The following EFEMP1 variants were observed in gnomAD, a reference collection of about 807,000 sequenced individuals.
The protein encoded by EFEMP1 is EGF-containing fibulin-like extracellular matrix protein 1.
EFEMP1 carries 18 observed loss-of-function variants against 65.7 expected under a neutral mutation model. That is an observed-to-expected ratio of 0.27 (90% CI 0.19 to 0.41). The LOEUF is 0.41. Ranked by LOEUF, EFEMP1 falls within the 10% of genes least tolerant of loss-of-function variation. EFEMP1 has a pLI of 1.00. For missense variants in EFEMP1, 469 were observed against 624.8 expected (o/e 0.75, Z 2.66); for synonymous variants, 237 against 219.7 (o/e 1.08, Z -0.70).
chr2:55,877,128 C>T lies in EFEMP1; in HGVS notation c.761-386G>A, dbSNP rs748765435. Among the ~76,000 whole-genome samples the T allele has an allele frequency of 6.6e-6, 1 of 152,106 alleles. No individual in the cohort carries two copies. Among genetic ancestry groups the T allele is most frequent in the Non-Finnish European group, 1.5e-5 (1 of 68,018 alleles). On this transcript the variant is annotated intron_variant, in intron 7 of 11. Transcript: ENST00000355426. This position sits in a 1 kb window ranked among gnomAD's most constrained non-coding sequence, Gnocchi z 4.5. Reference sequence around the variant, plus strand: ...TTCTATAAATAATTGATATAAGACACTTATACTGATATGGTCTCTCAGCAT... The same window carrying T: ...TTCTATAAATAATTGATATAAGACATTTATACTGATATGGTCTCTCAGCAT...
In EFEMP1 at chr2:55,867,720, C is replaced by T. The variant is rs149586489; in HGVS notation, c.1321-486G>A. On this transcript the variant is annotated intron_variant, in intron 11 of 11. Transcript: ENST00000355426. The surrounding 1 kb of genome is among the most constrained non-coding windows in gnomAD (Gnocchi z 4.3). ...GTTATGCAGGGTACGTATGAAGATA[C>T]ATAAAGGTGTATGTATAAAGGGAAG... Among the ~76,000 whole-genome samples the T allele has an allele frequency of 6.6e-6, 1 of 152,080 alleles. No homozygotes were observed. Among genetic ancestry groups the T allele is most frequent in the Non-Finnish European group, 1.5e-5 (1 of 67,980 alleles).
intron 9 of EFEMP1, among the ~76,000 whole-genome samples, chr2:55,874,718 A>G (rs1183186661): frequency 6.6e-6 from 1 of 152,044 alleles, no homozygotes; most frequent in East Asian, 1.9e-4. Flanking sequence ...ATACATATCA[A>G]TATTTTATTA....
chr2:55,867,257 A>AAGGAAGAG lies in EFEMP1; in HGVS notation c.1321-31_1321-24dup. 1 of 1,611,648 alleles carries AAGGAAGAG rather than the reference A, an allele frequency of 6.2e-7. No individual in the cohort carries two copies. ...TTGCTAAAATAAAAGAAAATAGAGA[A>AAGGAAGAG]AGGAAGAGAATAATTTTCTTGGATT... On this transcript the variant is annotated intron_variant, in intron 11 of 11. Transcript: ENST00000355426. The surrounding 1 kb of genome is among the most constrained non-coding windows in gnomAD (Gnocchi z 4.3).
rs1462339949 is a variant in EFEMP1, at chr2:55,886,705, C to A, written c.518-4971G>T. ...AGACAGGGTGATAAACTAGTTCCTA[C>A]CAAAGTACTCTTTTTACTTACTCTC... is the stretch of plus-strand genomic sequence containing the variant. On this transcript the variant is annotated intron_variant, in intron 5 of 11. Transcript: ENST00000355426. The surrounding 1 kb of genome is among the most constrained non-coding windows in gnomAD (Gnocchi z 4.0). Among the ~76,000 whole-genome samples the A allele has an allele frequency of 6.6e-6, 1 of 152,090 alleles. No individual in the cohort carries two copies. Among genetic ancestry groups the A allele is most frequent in the Admixed American group, 6.6e-5 (1 of 15,262 alleles).
Position 55,877,694 on chromosome 2 carries a change from A to T in EFEMP1, c.760+52T>A. The T allele has an allele frequency of 1.9e-6, 3 of 1,611,128 alleles. No homozygotes were observed. Among genetic ancestry groups the T allele is most frequent in the Non-Finnish European group, 2.5e-6 (3 of 1,178,016 alleles). ...AAAACTGGAAATACTGCAACATGGC[A>T]TGGGGTTTCCTTTTGTGAAGACAGA... On this transcript the variant is annotated intron_variant, in intron 7 of 11. Coordinates refer to ENST00000355426, the MANE Select transcript of EFEMP1 (RefSeq NM_001039348.3). The surrounding 1 kb of genome is among the most constrained non-coding windows in gnomAD (Gnocchi z 4.5).
chr2:55,923,051 C>A lies in EFEMP1; in HGVS notation c.-48-112G>T. The A allele has an allele frequency of 1.4e-6, 1 of 735,058 alleles. No individual in the cohort carries two copies. The highest frequency in any genetic ancestry group is 5.5e-5 in the Admixed American group (1 of 18,326). The allele number at this position is 735,058 out of a possible 1,614,324, so 45.5% of individuals were successfully genotyped here. A position where few individuals can be genotyped will look rare whatever the true frequency, so the allele number is the denominator to read the frequency against. ...GTTCTAGTAGAATACTAGACCTTCTCACATGTCTCAGAGCTTCTCACATCC... is the reference window on the plus strand; with the variant it reads ...GTTCTAGTAGAATACTAGACCTTCTAACATGTCTCAGAGCTTCTCACATCC... On this transcript the variant is annotated intron_variant, in intron 1 of 11. Coordinates refer to ENST00000355426, the MANE Select transcript of EFEMP1 (RefSeq NM_001039348.3). The surrounding 1 kb of genome is among the most constrained non-coding windows in gnomAD (Gnocchi z 5.3).
At chr2:55,879,944 A>G (rs775823155) in intron 6 of EFEMP1, among the ~76,000 whole-genome samples, 8 of 152,204 alleles carry the variant, frequency 5.3e-5, no homozygotes, top group Admixed American at 2.0e-4. Context: ...AACTAATTAT[A>G]TTTGGGTAAA....
At position 55,870,840 on chromosome 2, in the gene EFEMP1, G is replaced by C; in HGVS notation, c.1200C>G (p.Ile400Met). 3 of 1,613,804 alleles carry C rather than the reference G, an allele frequency of 1.9e-6. No homozygotes were observed. The highest frequency in any genetic ancestry group is 1.6e-4 in the Middle Eastern group (1 of 6,062). Residue 400 changes from isoleucine (I) to methionine (M), a missense_variant, in exon 11 of 12, where the codon ATC (isoleucine) becomes ATG (methionine). Transcript: ENST00000355426. This position sits in a 1 kb window ranked among gnomAD's most constrained non-coding sequence, Gnocchi z 5.8. The stretch of plus-strand genomic sequence containing the variant: ...CTGATGGCACAGACCTATCAGATCG[G>C]ATGCTCATGTATTTGTAGACTATTG... ...PQSIVYKYMS[I>M]RSDRSVPSDI... is the part of the protein sequence containing the mutation.
At chr2:55,913,894 C>T (rs1226158901) in intron 5 of EFEMP1, among the ~76,000 whole-genome samples, 1 of 152,034 alleles carries the variant, frequency 6.6e-6, no homozygotes, top group Non-Finnish European at 1.5e-5. Flanking sequence ...CCTGTAGTCA[C>T]AGCTACTCGG....
chr2:55,871,110 A>G lies in EFEMP1; in HGVS notation c.1014T>C (p.Cys338=). ...CCTCCCGGCATTCATTTGTGGTCTC[A>G]CACTCATTTATATCTGTAGAGATGT... is the stretch of plus-strand genomic sequence containing the variant. ...RSRTCQDINE[C]ETTNECREDE... Residue 338 remains cysteine (C), a synonymous_variant, in exon 10 of 12, where the codon TGT becomes TGC. Transcript: ENST00000355426. The surrounding 1 kb of genome is among the most constrained non-coding windows in gnomAD (Gnocchi z 4.2). 2 of 1,613,600 alleles carry G rather than the reference A, an allele frequency of 1.2e-6. No homozygotes were observed. Among genetic ancestry groups the G allele is most frequent in the Non-Finnish European group, 1.7e-6 (2 of 1,179,668 alleles).
At position 55,867,251 on chromosome 2, in the gene EFEMP1, T is replaced by C. The variant is rs1251542223; in HGVS notation, c.1321-17A>G. 4 of 1,612,422 alleles carry C rather than the reference T, an allele frequency of 2.5e-6. No homozygotes were observed. The highest frequency in any genetic ancestry group is 3.4e-6 in the Non-Finnish European group (4 of 1,179,286). ...ACTTGTTTGCTAAAATAAAAGAAAA[T>C]AGAGAAAGGAAGAGAATAATTTTCT... On this transcript the variant is annotated splice_polypyrimidine_tract_variant and intron_variant, in intron 11 of 11. Coordinates refer to ENST00000355426, the MANE Select transcript of EFEMP1 (RefSeq NM_001039348.3). The surrounding 1 kb of genome is among the most constrained non-coding windows in gnomAD (Gnocchi z 4.3).
At chr2:55,920,084 C>T (rs1670861150) in intron 3 of EFEMP1, among the ~76,000 whole-genome samples, 1 of 152,202 alleles carries the variant, frequency 6.6e-6, no homozygotes, top group Non-Finnish European at 1.5e-5. Flanking sequence ...TTCCCACTAC[C>T]CAGTTCCAGC....
At position 55,881,589 on chromosome 2, in the gene EFEMP1, G is replaced by T. The variant is rs187901218; in HGVS notation, c.640+23C>A. The T allele has an allele frequency of 9.9e-6, 16 of 1,612,880 alleles. No individual in the cohort carries two copies. The East Asian group carries it at 2.9e-4, about 29-fold the overall frequency. Reference sequence around the variant, plus strand: ...GTTAAGGTACTCAAGACAGGACCGTGCTCACTGCACTGTGGTACTTACCTA... The same window carrying T: ...GTTAAGGTACTCAAGACAGGACCGTTCTCACTGCACTGTGGTACTTACCTA... On this transcript the variant is annotated intron_variant, in intron 6 of 11. Transcript: ENST00000355426.
At position 55,871,140 on chromosome 2, in the gene EFEMP1, T is replaced by G; in HGVS notation, c.1001-17A>C. On this transcript the variant is annotated splice_polypyrimidine_tract_variant and intron_variant, in intron 9 of 11. Transcript: ENST00000355426. This position sits in a 1 kb window ranked among gnomAD's most constrained non-coding sequence, Gnocchi z 4.2. The stretch of plus-strand genomic sequence containing the variant: ...CATTTATATCTGTAGAGATGTAGGG[T>G]CAAAGAGTTTACTAACTAAACTAAT... 1 of 1,613,218 alleles carries G rather than the reference T, an allele frequency of 6.2e-7. No homozygotes were observed. The highest frequency in any genetic ancestry group is 8.5e-7 in the Non-Finnish European group (1 of 1,179,492).
intron 5 of EFEMP1, among the ~76,000 whole-genome samples, chr2:55,912,819 T>C (rs1435144380): frequency 1.3e-5 from 2 of 152,118 alleles, no homozygotes; most frequent in African/African-American, 2.4e-5. Context: ...AGGTGAAACA[T>C]AGTATTTAAT....
intron 8 of EFEMP1, 58 bp from the exon 9 acceptor site, chr2:55,875,123 T>G: frequency 1.0e-6 from 1 of 965,176 alleles, no homozygotes; most frequent in South Asian, 1.7e-5. Context: ...ACCACTACTT[T>G]GGATATATAT....
In EFEMP1 at chr2:55,887,931, T is replaced by C. The variant is rs535720445; in HGVS notation, c.518-6197A>G. Among the ~76,000 whole-genome samples, 3 of 152,340 alleles carry C rather than the reference T, an allele frequency of 2.0e-5. No individual in the cohort carries two copies. The South Asian group carries it at 6.2e-4, about 32-fold the overall frequency. Reference sequence around the variant, plus strand: ...CTTCGAATTGCTTTTCTAGCAATGATGACGGATTTGCATTGCAAATGGACC... The same window carrying C: ...CTTCGAATTGCTTTTCTAGCAATGACGACGGATTTGCATTGCAAATGGACC... On this transcript the variant is annotated intron_variant, in intron 5 of 11. Transcript: ENST00000355426.
At chr2:55,899,728 A>AT (rs1261209325) in intron 5 of EFEMP1, among the ~76,000 whole-genome samples, 1 of 152,300 alleles carries the variant, frequency 6.6e-6, no homozygotes, top group East Asian at 1.9e-4. Flanking sequence ...GCCACACCAT[A>AT]TCCCTCTTCC....
chr2:55,903,355 C>A (rs1018563613), intron 5 of EFEMP1, among the ~76,000 whole-genome samples: 2 of 152,204 alleles, frequency 1.3e-5, no homozygotes, highest in African/African-American at 4.8e-5. Flanking sequence ...AAATTTGACT[C>A]TATCCAGATT....
Sources: allele counts gnomAD v4.1 joint callset (sites outside exome capture counted in the v4.1 genomes callset), GRCh38; gene constraint gnomAD v4.1.1; non-coding constraint Gnocchi (gnomAD v3.1); transcripts MANE v1.5; gene names NCBI Gene and HGNC (gene_info 2026-07-23, HGNC 2026-07-21).